The following PXDNL variants were observed in gnomAD, a reference collection of about 807,000 sequenced individuals.
The protein encoded by PXDNL is probable oxidoreductase PXDNL.
Under a neutral mutation model 150.8 loss-of-function variants are expected in PXDNL, and 145 were observed. That is an observed-to-expected ratio of 0.96 (90% CI 0.84 to 1.10). PXDNL has a LOEUF of 1.10. Among genes scored for constraint, PXDNL ranks in the 50% least tolerant of loss-of-function variants. The pLI, the probability that PXDNL is intolerant of heterozygous loss-of-function variation, is 0.00. For synonymous variants in PXDNL, 757 were observed against 725.7 expected (o/e 1.04, Z -0.69); for missense variants, 2,087 against 1,873.9 (o/e 1.11, Z -2.10).
chr8:51,534,356 G>C (rs1362067638), intron 4 of PXDNL, among the ~76,000 whole-genome samples: 1 of 147,486 alleles, frequency 6.8e-6, no homozygotes, highest in Admixed American at 6.7e-5. Flanking sequence ...GGGAGGTGGG[G>C]GGGGGTCAGC....
At position 51,524,407 on chromosome 8, in the gene PXDNL, T is replaced by G. The variant is rs376601792; in HGVS notation, c.381-24637A>C. Among the ~76,000 whole-genome samples the G allele has an allele frequency of 2.0e-5, 3 of 152,328 alleles. 1 individual carries two copies. Among genetic ancestry groups the G allele is most frequent in the Admixed American group, 6.5e-5 (1 of 15,302 alleles). ...GCTGGCATGTCATTGGCAATTGGCT[T>G]GGTAGCCTCCTTTTTCTCTAAAAGG... On this transcript the variant is annotated intron_variant, in intron 4 of 22. Coordinates refer to ENST00000356297, the MANE Select transcript of PXDNL (RefSeq NM_144651.5).
intron 1 of PXDNL, among the ~76,000 whole-genome samples, chr8:51,674,515 A>G (rs13251959): frequency 0.53 from 81,107 of 152,158 alleles, 26,343 homozygotes; most frequent in Non-Finnish European, 0.7. Context: ...TTCACTTAAC[A>G]TAAGTGACTA....
chr8:51,526,765 G>C (rs1414452280), intron 4 of PXDNL, among the ~76,000 whole-genome samples: 2 of 152,176 alleles, frequency 1.3e-5, no homozygotes, highest in Non-Finnish European at 2.9e-5. Context: ...ACCTCAGAGA[G>C]TGCCTGGACC....
At position 51,715,256 on chromosome 8, in the gene PXDNL, T is replaced by C. The variant is rs1434827993; in HGVS notation, c.165-60496A>G. Among the ~76,000 whole-genome samples, 4 of 152,124 alleles carry C rather than the reference T, an allele frequency of 2.6e-5. No homozygotes were observed. The East Asian group carries it at 7.7e-4, about 29-fold the overall frequency. Reference sequence around the variant, plus strand: ...GGCCAAGAAGAATATGAAAAGATGCTCAACATCACTGATCATCAGGGAAAT... The same window carrying C: ...GGCCAAGAAGAATATGAAAAGATGCCCAACATCACTGATCATCAGGGAAAT... On this transcript the variant is annotated intron_variant, in intron 1 of 22. Coordinates refer to ENST00000356297, the MANE Select transcript of PXDNL (RefSeq NM_144651.5).
intron 4 of PXDNL, among the ~76,000 whole-genome samples, chr8:51,532,739 CTG>C (rs1290448491): frequency 6.6e-6 from 1 of 152,120 alleles, no homozygotes; most frequent in Non-Finnish European, 1.5e-5. Flanking sequence ...TCTTCTGGTG[CTG>C]TCTCTTCTAT....
chr8:51,543,013 AG>A (rs144449797), intron 4 of PXDNL, among the ~76,000 whole-genome samples: 4,255 of 152,326 alleles, frequency 0.028, 73 homozygotes, highest in Non-Finnish European at 0.041. Flanking sequence ...ATGGTAACAA[AG>A]AAAATAGGTA....
At chr8:51,538,714 C>T (rs199963673) in intron 4 of PXDNL, among the ~76,000 whole-genome samples, 27 of 152,072 alleles carry the variant, frequency 1.8e-4, no homozygotes, top group South Asian at 1.5e-3. Context: ...TTGCATGAGC[C>T]GAGATCGTGC....
chr8:51,794,701 A>G (rs1439313366), intron 1 of PXDNL, among the ~76,000 whole-genome samples: 5 of 152,232 alleles, frequency 3.3e-5, no homozygotes, highest in Non-Finnish European at 7.3e-5. Flanking sequence ...AGCCACTGCA[A>G]AAACACACTG....
In PXDNL at chr8:51,423,681, G is replaced by A. The variant is rs775135950; in HGVS notation, c.1689C>T (p.Gly563=). Residue 563 remains glycine (G), a synonymous_variant, in exon 14 of 23, where the codon GGC becomes GGT. Transcript: ENST00000356297. ...ACCCTGCGTCGTAGATAGTCAGCGTGCCTTCATCATCCACATGGAATTTAC... is the reference window on the plus strand; with the variant it reads ...ACCCTGCGTCGTAGATAGTCAGCGTACCTTCATCATCCACATGGAATTTAC... ...ESGKFHVDDE[G]TLTIYDAGFP... 1 of 1,613,780 alleles carries A rather than the reference G, an allele frequency of 6.2e-7. No homozygotes were observed. The highest frequency in any genetic ancestry group is 8.5e-7 in the Non-Finnish European group (1 of 1,179,746).
intron 3 of PXDNL, among the ~76,000 whole-genome samples, chr8:51,562,132 T>C (rs1387249995): frequency 2.0e-5 from 3 of 151,600 alleles, no homozygotes; most frequent in African/African-American, 4.8e-5. Context: ...AGAAATTATA[T>C]CCCTTTATAA....
At chr8:51,747,327 G>A (rs973210102) in intron 1 of PXDNL, among the ~76,000 whole-genome samples, 9 of 152,014 alleles carry the variant, frequency 5.9e-5, no homozygotes, top group South Asian at 4.2e-4. Flanking sequence ...ATTCTTCTAC[G>A]TTGCTCTTTG....
chr8:51,593,113 G>A (rs1813480673), intron 2 of PXDNL, among the ~76,000 whole-genome samples: 1 of 152,110 alleles, frequency 6.6e-6, no homozygotes, highest in Admixed American at 6.5e-5. Flanking sequence ...TTGACACACA[G>A]TAGACTTTCA....
At chr8:51,561,471 A>G (rs1368368479) in intron 3 of PXDNL, among the ~76,000 whole-genome samples, 1 of 151,982 alleles carries the variant, frequency 6.6e-6, no homozygotes, top group Non-Finnish European at 1.5e-5. Flanking sequence ...CAGAAGTTCA[A>G]GACCAGTCTG....
At chr8:51,476,324 G>C (rs1383114771) in intron 6 of PXDNL, among the ~76,000 whole-genome samples, 2 of 152,218 alleles carry the variant, frequency 1.3e-5, no homozygotes, top group Admixed American at 1.3e-4. Flanking sequence ...TAAACTCCTT[G>C]GCATCAATAT....
chr8:51,562,478 C>T (rs536645305), intron 3 of PXDNL, among the ~76,000 whole-genome samples: 244 of 152,016 alleles, frequency 1.6e-3, no homozygotes, highest in African/African-American at 5.2e-3. Flanking sequence ...TTAAGTCTCA[C>T]ATAGCTATTA....
At chr8:51,359,415 G>A (rs1586032093) in intron 19 of PXDNL, among the ~76,000 whole-genome samples, 1 of 152,148 alleles carries the variant, frequency 6.6e-6, no homozygotes, top group East Asian at 1.9e-4. Flanking sequence ...TCTCTGTTGA[G>A]ACTGATTAGT....
chr8:51,760,876 T>TTTTTTTTTTTTTTTTTA, intron 1 of PXDNL, among the ~76,000 whole-genome samples: 1 of 115,838 alleles, frequency 8.6e-6, no homozygotes, highest in Admixed American at 9.2e-5. Flanking sequence ...TTTTTTTTTT[T>TTTTTTTTTTTTTTTTTA]GAGACGGAGT....
chr8:51,550,070 T>C (rs1812447205), intron 4 of PXDNL, among the ~76,000 whole-genome samples: 1 of 152,244 alleles, frequency 6.6e-6, no homozygotes, highest in African/African-American at 2.4e-5. Flanking sequence ...GTGCATAGAC[T>C]AGAAAACCTA....
chr8:51,584,659 C>T (rs1813284842), intron 3 of PXDNL, among the ~76,000 whole-genome samples: 1 of 152,040 alleles, frequency 6.6e-6, no homozygotes, highest in African/African-American at 2.4e-5. Flanking sequence ...GGTGGCAATT[C>T]AGAAGGATAT....
Sources: allele counts gnomAD v4.1 joint callset (sites outside exome capture counted in the v4.1 genomes callset), GRCh38; gene constraint gnomAD v4.1.1; transcripts MANE v1.5; gene names NCBI Gene and HGNC (gene_info 2026-07-23, HGNC 2026-07-21).